SNX29: variants seen among roughly 807,000 people sequenced by gnomAD.
The protein encoded by SNX29 is sorting nexin 29.
Under a neutral mutation model 102.1 loss-of-function variants are expected in SNX29, and 78 were observed. The observed-to-expected ratio is 0.76, with a 90% CI of 0.64 to 0.92. The LOEUF is 0.92. Ranked by LOEUF, SNX29 falls within the 40% of genes least tolerant of loss-of-function variation. The probability of loss-of-function intolerance (pLI) is 0.00; values close to 1 mark genes in which losing one functional copy is unlikely to be tolerated. For missense variants in SNX29, 1,280 were observed against 1,061.7 expected (o/e 1.21, Z -2.86); for synonymous variants, 580 against 414.5 (o/e 1.40, Z -4.85).
At chr16:12,029,506 A>T in intron 4 of SNX29, 1 of 453,644 alleles carries the variant, frequency 2.2e-6, no homozygotes, top group Non-Finnish European at 4.4e-6. Flanking sequence ...GGAGAAATGA[A>T]TTATTTTCCA....
In SNX29 at chr16:12,565,830, C is replaced by CCA. The variant is rs985657935; in HGVS notation, c.2319-2672_2319-2671dup. ...CCCTCAGCTCACTTCTGGTCACCCT[C>CCA]CACACCTCTGCCTCCTCCGGGAAGC... On this transcript the variant is annotated intron_variant, in intron 20 of 20. Transcript: ENST00000566228. 7.2e-5 allele frequency among the ~76,000 whole-genome samples: 11 copies of CCA among 152,296 alleles called. No individual in the cohort carries two copies. The South Asian group carries it at 2.3e-3, about 32-fold the overall frequency.
chr16:12,347,281 G>T (rs947558318), intron 15 of SNX29, among the ~76,000 whole-genome samples: 1 of 152,100 alleles, frequency 6.6e-6, no homozygotes, highest in African/African-American at 2.4e-5. Context: ...TTATTACATG[G>T]TGGCTTTATG....
At position 12,195,866 on chromosome 16, in the gene SNX29, T is replaced by G. The variant is rs74011010; in HGVS notation, c.1596-3735T>G. 9.3e-3 allele frequency among the ~76,000 whole-genome samples: 1,413 copies of G among 152,160 alleles called. 23 individuals are homozygous for G. Among genetic ancestry groups the G allele is most frequent in the African/African-American group, 0.032 (1,337 of 41,508 alleles). On this transcript the variant is annotated intron_variant, in intron 13 of 20. Coordinates refer to ENST00000566228, the MANE Select transcript of SNX29 (RefSeq NM_032167.5). ...TGGTGGTCTAATGAGACACCAAGTG[T>G]GTGGCAGAGAGGAGAGGGACATAGG...
intron 3 of SNX29, among the ~76,000 whole-genome samples, chr16:12,008,878 A>G (rs2056549008): frequency 6.6e-6 from 1 of 151,816 alleles, no homozygotes; most frequent in Non-Finnish European, 1.5e-5. Flanking sequence ...AGTAGCTGGG[A>G]CTATAGGTGC....
In SNX29 at chr16:12,003,338, A is replaced by C. The variant is rs575986379; in HGVS notation, c.122+295A>C. On this transcript the variant is annotated intron_variant, in intron 3 of 20. Coordinates refer to ENST00000566228, the MANE Select transcript of SNX29 (RefSeq NM_032167.5). Reference sequence around the variant, plus strand: ...ATATAAAGTTATTTTCAGGGTAATTAATAATTATGAGAACTTGGATGCCTA... The same window carrying C: ...ATATAAAGTTATTTTCAGGGTAATTCATAATTATGAGAACTTGGATGCCTA... 1.2e-3 allele frequency among the ~76,000 whole-genome samples: 186 copies of C among 152,330 alleles called. 1 individual carries two copies. The highest frequency in any genetic ancestry group is 2.3e-3 in the Non-Finnish European group (158 of 68,038).
intron 14 of SNX29, among the ~76,000 whole-genome samples, chr16:12,271,513 A>T (rs562479106): frequency 6.6e-6 from 1 of 152,328 alleles, no homozygotes; most frequent in African/African-American, 2.4e-5. Flanking sequence ...TAGTCTGTTT[A>T]TTGGAGGTAA....
intron 14 of SNX29, among the ~76,000 whole-genome samples, chr16:12,237,273 C>T (rs373160464): frequency 6.6e-6 from 1 of 152,188 alleles, no homozygotes; most frequent in African/African-American, 2.4e-5. Context: ...TCATGCACAG[C>T]GAGAATCACA....
At chr16:11,977,078 G>C (rs1379951229) in intron 1 of SNX29, 4 of 381,216 alleles carry the variant, frequency 1.0e-5, no homozygotes, top group Non-Finnish European at 1.8e-5. Flanking sequence ...CCTGTCCCCA[G>C]TTGTTCCAGT....
intron 18 of SNX29, among the ~76,000 whole-genome samples, chr16:12,438,390 C>T (rs1359214301): frequency 6.6e-6 from 1 of 152,108 alleles, no homozygotes; most frequent in Non-Finnish European, 1.5e-5. Flanking sequence ...TTCTCCTTTC[C>T]CCCTTACCAC....
At chr16:12,557,930 C>T (rs894143757) in intron 20 of SNX29, among the ~76,000 whole-genome samples, 4 of 152,164 alleles carry the variant, frequency 2.6e-5, no homozygotes, top group Non-Finnish European at 5.9e-5. Context: ...AGGCAGGCTG[C>T]TATTTTCATT....
chr16:12,437,143 G>A (rs1419319598), intron 18 of SNX29, among the ~76,000 whole-genome samples: 1 of 152,260 alleles, frequency 6.6e-6, no homozygotes, highest in Non-Finnish European at 1.5e-5. Context: ...GTTTAAAACT[G>A]TTACTGAAAT....
At position 12,061,949 on chromosome 16, in the gene SNX29, G is replaced by C. The variant is rs539343088; in HGVS notation, c.1243+303G>C. Among the ~76,000 whole-genome samples, 15 of 152,258 alleles carry C rather than the reference G, an allele frequency of 9.9e-5. No individual in the cohort carries two copies. The East Asian group carries it at 2.3e-3, about 24-fold the overall frequency. On this transcript the variant is annotated intron_variant, in intron 9 of 20. Coordinates refer to ENST00000566228, the MANE Select transcript of SNX29 (RefSeq NM_032167.5). ...TACCAGTGGCCCGTTGAACTTGGTCGTTTAAAAGCTGACCACAAATAGTGA... is the reference window on the plus strand; with the variant it reads ...TACCAGTGGCCCGTTGAACTTGGTCCTTTAAAAGCTGACCACAAATAGTGA...
At chr16:11,987,224 C>G (rs2055665659) in intron 1 of SNX29, among the ~76,000 whole-genome samples, 1 of 151,734 alleles carries the variant, frequency 6.6e-6, no homozygotes. Flanking sequence ...GCCACCATAC[C>G]TGGCTAATTT....
At chr16:12,288,255 C>T (rs952545662) in intron 15 of SNX29, among the ~76,000 whole-genome samples, 1 of 152,146 alleles carries the variant, frequency 6.6e-6, no homozygotes, top group Non-Finnish European at 1.5e-5. Flanking sequence ...CCCGTGGGTG[C>T]CATGTCAGTT....
intron 18 of SNX29, among the ~76,000 whole-genome samples, chr16:12,426,240 C>T (rs1407621776): frequency 2.0e-5 from 3 of 152,196 alleles, no homozygotes; most frequent in Non-Finnish European, 4.4e-5. Context: ...GCCACACATC[C>T]ATCATGGGTC....
chr16:12,014,661 G>A (rs2056787657), intron 3 of SNX29, among the ~76,000 whole-genome samples: 1 of 148,564 alleles, frequency 6.7e-6, no homozygotes, highest in Non-Finnish European at 1.5e-5. Context: ...GAACCTGGGA[G>A]CCAGAGGTTG....
chr16:12,034,881 G>A (rs1006814040), intron 4 of SNX29, among the ~76,000 whole-genome samples: 4 of 152,206 alleles, frequency 2.6e-5, no homozygotes, highest in Non-Finnish European at 4.4e-5. Flanking sequence ...CATGGTGGTA[G>A]GCACCTGTAA....
Position 12,354,097 on chromosome 16 carries a change from T to C in SNX29, c.1783-2066T>C, listed in dbSNP as rs148330874. Among the ~76,000 whole-genome samples, 423 of 152,352 alleles carry C rather than the reference T, an allele frequency of 2.8e-3. 3 individuals carry two copies. The highest frequency in any genetic ancestry group is 9.4e-3 in the African/African-American group (389 of 41,588). On this transcript the variant is annotated intron_variant, in intron 15 of 20. Coordinates refer to ENST00000566228, the MANE Select transcript of SNX29 (RefSeq NM_032167.5). Reference sequence around the variant, plus strand: ...TCTCACATTCTCTCTTCTGAGGCTCTTTCTGAGTCTTGAATTTATTTCTAG... The same window carrying C: ...TCTCACATTCTCTCTTCTGAGGCTCCTTCTGAGTCTTGAATTTATTTCTAG...
intron 15 of SNX29, among the ~76,000 whole-genome samples, chr16:12,299,819 T>C (rs1045788679): frequency 1.3e-5 from 2 of 150,652 alleles, no homozygotes; most frequent in African/African-American, 4.9e-5. Context: ...CTTGATTTAA[T>C]ATTTGTATCT....
Sources: allele counts gnomAD v4.1 joint callset (sites outside exome capture counted in the v4.1 genomes callset), GRCh38; gene constraint gnomAD v4.1.1; transcripts MANE v1.5; gene names NCBI Gene and HGNC (gene_info 2026-07-23, HGNC 2026-07-21).